The following KATNIP variants were observed in gnomAD, a reference collection of about 807,000 sequenced individuals.
The protein encoded by KATNIP is katanin interacting protein.
KATNIP carries 126 observed loss-of-function variants against 174.0 expected under a neutral mutation model. The ratio of observed to expected loss-of-function variants is 0.72; its 90% CI spans 0.63 to 0.84. The LOEUF is 0.84. Ranked by LOEUF, KATNIP falls within the 40% of genes least tolerant of loss-of-function variation. The probability of loss-of-function intolerance (pLI) is 0.00; values close to 1 mark genes in which losing one functional copy is unlikely to be tolerated. For synonymous variants in KATNIP, 810 were observed against 835.7 expected (o/e 0.97, Z 0.53); for missense variants, 1,958 against 2,109.7 (o/e 0.93, Z 1.41).
At position 27,693,534 on chromosome 16, in the gene KATNIP, G is replaced by A. The variant is rs181958289; in HGVS notation, c.941-4794G>A. On this transcript the variant is annotated intron_variant, in intron 8 of 27. Transcript: ENST00000261588. ...CTCCCAAGTAGCTGGGATTACAGGC[G>A]CCCGCCACCATGCCTGGCTAATTTT... Among the ~76,000 whole-genome samples, 498 of 152,180 alleles carry A rather than the reference G, an allele frequency of 3.3e-3. 2 individuals carry two copies. Among genetic ancestry groups the A allele is most frequent in the African/African-American group, 0.011 (447 of 41,536 alleles).
At chr16:27,696,004 G>A (rs982776606) in intron 8 of KATNIP, among the ~76,000 whole-genome samples, 1 of 152,074 alleles carries the variant, frequency 6.6e-6, no homozygotes, top group Non-Finnish European at 1.5e-5. Context: ...TTTCTTTTTA[G>A]AGCGTCATTG....
intron 4 of KATNIP, among the ~76,000 whole-genome samples, chr16:27,630,061 G>A (rs976640905): frequency 3.3e-5 from 5 of 152,112 alleles, no homozygotes; most frequent in Admixed American, 6.5e-5. Flanking sequence ...TGGGACTGGC[G>A]AGACTGCTTA....
Position 27,740,133 on chromosome 16 carries a change from A to G in KATNIP, c.1836A>G (p.Pro612=). 1 of 1,614,210 alleles carries G rather than the reference A, an allele frequency of 6.2e-7. No individual in the cohort carries two copies. Among genetic ancestry groups the G allele is most frequent in the South Asian group, 1.1e-5 (1 of 91,084 alleles). Residue 612 remains proline, a synonymous_variant, in exon 15 of 28, where the codon CCA becomes CCG. Transcript: ENST00000261588. The part of the protein sequence containing the change: ...GKLDKGDREA[P]ADHSILVDQK... The stretch of plus-strand genomic sequence containing the variant: ...TAGACAAAGGAGATAGGGAGGCCCC[A>G]GCTGACCACAGCATCCTGGTTGACC...
At chr16:27,753,838 T>TTTCC (rs993111662) in intron 17 of KATNIP, among the ~76,000 whole-genome samples, 6 of 149,694 alleles carry the variant, frequency 4.0e-5, no homozygotes, top group African/African-American at 1.5e-4. Context: ...TTCCTCCTCC[T>TTTCC]TTCCTTCCTT....
chr16:27,719,421 G>T (rs1427426136), intron 13 of KATNIP, among the ~76,000 whole-genome samples: 2 of 152,160 alleles, frequency 1.3e-5, no homozygotes, highest in African/African-American at 4.8e-5. Flanking sequence ...CACCCAGGCT[G>T]GAGTGCAGTG....
intron 2 of KATNIP, among the ~76,000 whole-genome samples, chr16:27,598,382 G>A (rs1354718330): frequency 2.0e-5 from 3 of 152,110 alleles, no homozygotes; most frequent in Non-Finnish European, 4.4e-5. Flanking sequence ...TGCACATCTG[G>A]CTTCTTCCCG....
intron 1 of KATNIP, among the ~76,000 whole-genome samples, chr16:27,572,283 C>A (rs2090332984): frequency 6.7e-6 from 1 of 150,162 alleles, no homozygotes; most frequent in Non-Finnish European, 1.5e-5. Flanking sequence ...TAAAGAACAC[C>A]CTGTATTACA....
At chr16:27,681,199 TGTG>T in intron 7 of KATNIP, 197 bp from the exon 8 acceptor site, 2 of 622,626 alleles carry the variant, frequency 3.2e-6, no homozygotes, top group Middle Eastern at 2.7e-4. Context: ...CTTACCAAAA[TGTG>T]GTGCTGGGCA....
intron 14 of KATNIP, among the ~76,000 whole-genome samples, chr16:27,730,089 C>T (rs969640120): frequency 6.6e-6 from 1 of 152,322 alleles, no homozygotes; most frequent in South Asian, 2.1e-4. Flanking sequence ...GCAGTGAAGG[C>T]GATGAGCCCA....
At chr16:27,759,285 AAAC>A (rs2081859608) in intron 18 of KATNIP, among the ~76,000 whole-genome samples, 1 of 152,168 alleles carries the variant, frequency 6.6e-6, no homozygotes. Flanking sequence ...TCAGTGCTAT[AAAC>A]AACAAGGCGA....
In KATNIP at chr16:27,562,857, C is replaced by T. The variant is rs555912145; in HGVS notation, c.8-11044C>T. Among the ~76,000 whole-genome samples, 11 of 152,310 alleles carry T rather than the reference C, an allele frequency of 7.2e-5. No homozygotes were observed. The South Asian group carries it at 2.3e-3, about 32-fold the overall frequency. ...CAATTATCTTCAATGGGGTATTAAA[C>T]TGACTTTGTCATATTTCGTTTCACC... is the stretch of plus-strand genomic sequence containing the variant. On this transcript the variant is annotated intron_variant, in intron 1 of 27. Coordinates refer to ENST00000261588, the MANE Select transcript of KATNIP (RefSeq NM_015202.5).
intron 6 of KATNIP, among the ~76,000 whole-genome samples, chr16:27,675,124 A>G (rs1317506369): frequency 6.6e-6 from 1 of 152,228 alleles, no homozygotes; most frequent in Non-Finnish European, 1.5e-5. Context: ...GAGACTGGGT[A>G]ATTTATGAAG....
At chr16:27,705,896 T>A (rs1203413176) in intron 12 of KATNIP, among the ~76,000 whole-genome samples, 1 of 152,090 alleles carries the variant, frequency 6.6e-6, no homozygotes, top group Non-Finnish European at 1.5e-5. Context: ...CAGGCTGGTC[T>A]TGAACTTCTG....
intron 27 of KATNIP, 106 bp downstream of exon 27, chr16:27,778,075 G>T (rs1271968906): frequency 1.0e-6 from 1 of 978,172 alleles, no homozygotes; most frequent in African/African-American, 1.6e-5. Context: ...CCTGCCCCTA[G>T]ACCGCTCTCC....
chr16:27,624,400 C>T (rs1314806133), intron 3 of KATNIP, among the ~76,000 whole-genome samples: 2 of 152,202 alleles, frequency 1.3e-5, no homozygotes, highest in Non-Finnish European at 2.9e-5. Flanking sequence ...CAAAGGCCAA[C>T]ATGGGCATAA....
rs566875985 is a variant in KATNIP at position 27,577,881 on chromosome 16, A to T, written c.63+3925A>T. The stretch of plus-strand genomic sequence containing the variant: ...AAGCAAAACCCTGTCTCAAAAAAAA[A>T]TTTTTTTTAATAAATAAAATAAAAG... On this transcript the variant is annotated intron_variant, in intron 2 of 27. Transcript: ENST00000261588. 3.5e-4 allele frequency among the ~76,000 whole-genome samples: 53 copies of T among 152,066 alleles called. 1 individual carries two copies. The highest frequency in any genetic ancestry group is 9.2e-4 in the African/African-American group (38 of 41,498).
chr16:27,596,663 A>G (rs1214504978), intron 2 of KATNIP, among the ~76,000 whole-genome samples: 2 of 152,202 alleles, frequency 1.3e-5, no homozygotes, highest in Admixed American at 6.5e-5. Flanking sequence ...GTTTTCGTGC[A>G]TTACTTGCCC....
At chr16:27,669,713 C>T (rs1362965140) in intron 6 of KATNIP, among the ~76,000 whole-genome samples, 1 of 152,124 alleles carries the variant, frequency 6.6e-6, no homozygotes. Flanking sequence ...ATCACGTGAG[C>T]ATTATAAGGG....
At chr16:27,738,400 C>G (rs1414643920) in intron 14 of KATNIP, among the ~76,000 whole-genome samples, 1 of 152,064 alleles carries the variant, frequency 6.6e-6, no homozygotes, top group African/African-American at 2.4e-5. Context: ...AAGCTGTACC[C>G]GTTAAATATG....
Sources: gnomAD v4.1 joint callset for allele counts (sites outside exome capture counted in the v4.1 genomes callset) on GRCh38, gnomAD v4.1.1 for gene constraint, MANE v1.5 for transcripts, NCBI Gene and HGNC (gene_info 2026-07-23, HGNC 2026-07-21) for gene names.